Variants in DYRK4 observed in about 807,000 individuals in gnomAD.
The protein encoded by DYRK4 is dual specificity tyrosine-phosphorylation-regulated kinase 4.
In DYRK4, 64 loss-of-function variants were observed where a neutral mutation model predicts 68.3. That is an observed-to-expected ratio of 0.94 (90% confidence interval 0.77 to 1.15). The LOEUF is 1.15. DYRK4 is among the 50% of genes most tolerant of loss of function. The pLI, the probability that DYRK4 is intolerant of heterozygous loss-of-function variation, is 0.00. For missense variants in DYRK4, 740 were observed against 764.7 expected (o/e 0.97, Z 0.38); for synonymous variants, 274 against 289.9 (o/e 0.95, Z 0.56).
At chr12:4,593,455 A>G (rs1400183339) in intron 6 of DYRK4, among the ~76,000 whole-genome samples, 1 of 152,170 alleles carries the variant, frequency 6.6e-6, no homozygotes, top group Non-Finnish European at 1.5e-5. Flanking sequence ...TTCCCTGCAT[A>G]GCCCACTGGA....
intron 2 of DYRK4, among the ~76,000 whole-genome samples, chr12:4,569,412 T>C (rs1234403484): frequency 1.3e-5 from 2 of 152,216 alleles, no homozygotes; most frequent in Non-Finnish European, 1.5e-5. Context: ...AAAATCATCA[T>C]GAGGTTTGCA....
intron 2 of DYRK4, among the ~76,000 whole-genome samples, chr12:4,570,080 GATA>G (rs1944715844): frequency 8.0e-6 from 1 of 124,762 alleles, no homozygotes; most frequent in Non-Finnish European, 1.7e-5. Flanking sequence ...TAATAATAAT[GATA>G]ATAACAAATT....
intron 10 of DYRK4, 131 bp downstream of exon 10, chr12:4,599,919 T>G (rs1945062455): frequency 1.4e-6 from 1 of 721,088 alleles, no homozygotes; most frequent in South Asian, 1.8e-5. Flanking sequence ...ACAAGGTGCT[T>G]CGCTTCTCTG....
At chr12:4,592,216 C>A (rs1725110690) in intron 5 of DYRK4, among the ~76,000 whole-genome samples, 1 of 152,186 alleles carries the variant, frequency 6.6e-6, no homozygotes, top group South Asian at 2.1e-4. Context: ...TATGCCTTGG[C>A]TCTGTCCTCT....
intron 9 of DYRK4, 177 bp from the exon 10 acceptor site, chr12:4,599,530 C>A: frequency 1.7e-6 from 1 of 586,356 alleles, no homozygotes; most frequent in African/African-American, 1.9e-5. Context: ...AAACGCCGAC[C>A]ACAAGTCAAA....
chr12:4,593,421 C>G (rs1006765999), intron 6 of DYRK4, among the ~76,000 whole-genome samples: 7 of 152,110 alleles, frequency 4.6e-5, no homozygotes, highest in Non-Finnish European at 1.0e-4. Context: ...CGGTTTGCAT[C>G]CTGGGTGAGC....
At chr12:4,577,132 G>A (rs1025715746) in intron 2 of DYRK4, among the ~76,000 whole-genome samples, 22 of 152,148 alleles carry the variant, frequency 1.4e-4, no homozygotes, top group Non-Finnish European at 2.2e-4. Context: ...TTATAGTTTC[G>A]TGATTTCTAT....
At chr12:4,599,917 C>T in intron 10 of DYRK4, 129 bp downstream of exon 10, 1 of 717,160 alleles carries the variant, frequency 1.4e-6, no homozygotes, top group Non-Finnish European at 2.3e-6. Flanking sequence ...GAACAAGGTG[C>T]TTCGCTTCTC....
intron 13 of DYRK4, among the ~76,000 whole-genome samples, chr12:4,612,284 A>T (rs928593193): frequency 1.3e-5 from 2 of 152,242 alleles, no homozygotes; most frequent in Non-Finnish European, 2.9e-5. Context: ...ATTTCTTATA[A>T]GGAAATTTCT....
chr12:4,562,284 G>C lies in DYRK4; in HGVS notation c.38+1G>C, dbSNP rs1257539581. 1 of 1,532,140 alleles carries C rather than the reference G, an allele frequency of 6.5e-7. No individual in the cohort carries two copies. The highest frequency in any genetic ancestry group is 8.7e-7 in the Non-Finnish European group (1 of 1,145,240). The allele number at this position is 1,532,140 out of a possible 1,614,324, so 94.9% of individuals were successfully genotyped here. The stretch of plus-strand genomic sequence containing the variant: ...CGCCGCCTATCCGCACCGGAACAAA[G>C]TAAGGGCCGCGGAGGCTCGTACTTC... On this transcript the variant is annotated splice_donor_variant, in intron 1 of 14. Coordinates refer to ENST00000543431, the MANE Select transcript of DYRK4 (RefSeq NM_001394779.1). LOFTEE classifies it high-confidence loss of function.
intron 2 of DYRK4, among the ~76,000 whole-genome samples, chr12:4,588,337 T>C (rs1246402566): frequency 6.6e-6 from 1 of 152,252 alleles, no homozygotes; most frequent in African/African-American, 2.4e-5. Flanking sequence ...AGTAAATCCA[T>C]ACCCATTAGA....
At chr12:4,597,497 C>T (rs1327827887) in intron 8 of DYRK4, among the ~76,000 whole-genome samples, 4 of 152,188 alleles carry the variant, frequency 2.6e-5, no homozygotes, top group Non-Finnish European at 4.4e-5. Context: ...TATTACAAAG[C>T]GTGGTCGAGT....
Position 4,563,183 on chromosome 12 carries a change from A to G in DYRK4, c.38+900A>G, listed in dbSNP as rs571329426. Reference sequence around the variant, plus strand: ...GATCACCTACATGTGGTCGGTATGTAAAACCTAGGAGTTCGAAGAAATTCT... The same window carrying G: ...GATCACCTACATGTGGTCGGTATGTGAAACCTAGGAGTTCGAAGAAATTCT... On this transcript the variant is annotated intron_variant, in intron 1 of 14. Coordinates refer to ENST00000543431, the MANE Select transcript of DYRK4 (RefSeq NM_001394779.1). The G allele has an allele frequency of 3.3e-4, 152 of 455,700 alleles. 1 individual carries two copies. The highest frequency in any genetic ancestry group is 2.9e-3 in the African/African-American group (144 of 50,194). The allele number at this position is 455,700 out of a possible 1,614,324, so 28.2% of individuals were successfully genotyped here. A position where few individuals can be genotyped will look rare whatever the true frequency, so the allele number is the denominator to read the frequency against.
chr12:4,591,118 G>A lies in DYRK4; in HGVS notation c.325-42G>A. On this transcript the variant is annotated intron_variant, in intron 4 of 14. Coordinates refer to ENST00000543431, the MANE Select transcript of DYRK4 (RefSeq NM_001394779.1). The surrounding 1 kb of genome is among the most constrained non-coding windows in gnomAD (Gnocchi z 4.1). ...TAAATGGTTTATGGCCCCCAGGAGAGTCCTAAGTAGTTATTTATTGCAAAC... is the reference window on the plus strand; with the variant it reads ...TAAATGGTTTATGGCCCCCAGGAGAATCCTAAGTAGTTATTTATTGCAAAC... The A allele has an allele frequency of 1.2e-6, 2 of 1,608,192 alleles. No individual in the cohort carries two copies. The highest frequency in any genetic ancestry group is 1.7e-6 in the Non-Finnish European group (2 of 1,177,250).
intron 1 of DYRK4, chr12:4,564,390 G>A (rs765102343): frequency 2.0e-5 from 3 of 151,956 alleles, no homozygotes; most frequent in East Asian, 1.9e-4. Context: ...GAATGCAAAC[G>A]GAATCCCTGC....
intron 2 of DYRK4, among the ~76,000 whole-genome samples, chr12:4,582,261 A>T (rs922544006): frequency 6.6e-6 from 1 of 152,132 alleles, no homozygotes; most frequent in Admixed American, 6.5e-5. Context: ...CCTGACCAAC[A>T]TAGAGAAACC....
chr12:4,603,187 T>G, intron 10 of DYRK4: 1 of 1,218,688 alleles, frequency 8.2e-7, no homozygotes, highest in South Asian at 1.2e-5. Flanking sequence ...CATTTCTTCT[T>G]GGTGAGACCT....
At chr12:4,610,003 AGT>A (rs3217058) in intron 12 of DYRK4, 150 bp from the exon 13 acceptor site, 1,554 of 416,990 alleles carry the variant, frequency 3.7e-3, no homozygotes, top group East Asian at 7.8e-3. Flanking sequence ...TTTCAAACTG[AGT>A]GTGTGTGTGT....
At chr12:4,570,264 A>G (rs1420402344) in intron 2 of DYRK4, among the ~76,000 whole-genome samples, 1 of 152,138 alleles carries the variant, frequency 6.6e-6, no homozygotes, top group Non-Finnish European at 1.5e-5. Context: ...TTAAAAAAAA[A>G]GTCACATTCA....
Sources: gnomAD v4.1 joint callset for allele counts (sites outside exome capture counted in the v4.1 genomes callset) on GRCh38, gnomAD v4.1.1 for gene constraint, Gnocchi (gnomAD v3.1) non-coding constraint, MANE v1.5 for transcripts, NCBI Gene and HGNC (gene_info 2026-07-23, HGNC 2026-07-21) for gene names.